ZFHX3: variants seen among roughly 807,000 people sequenced by gnomAD.
The protein encoded by ZFHX3 is zinc finger homeobox 3, also known as zinc finger homeobox protein 3.
ZFHX3 carries 42 observed loss-of-function variants against 279.1 expected under a neutral mutation model. That is an observed-to-expected ratio of 0.15 (90% CI 0.12 to 0.19). The LOEUF (loss-of-function observed/expected upper bound fraction) is 0.19, where lower values mean the gene tolerates loss of function less well. ZFHX3 is among the 10% of genes least tolerant of loss of function. The pLI, the probability that ZFHX3 is intolerant of heterozygous loss-of-function variation, is 1.00. For synonymous variants in ZFHX3, 2,293 were observed against 1,957.8 expected, an observed-to-expected ratio of 1.17 and a Z score of -4.52; for missense variants, 4,981 against 4,754.0, an observed-to-expected ratio of 1.05 and a Z score of -1.40.
chr16:73,837,885 C>G (rs1961186351), intron 1 of ZFHX3, among the ~76,000 whole-genome samples: 2 of 152,220 alleles, frequency 1.3e-5, no homozygotes, highest in African/African-American at 4.8e-5. Context: ...ATCCACCCAC[C>G]TCAGCCTCCC....
chr16:73,131,213 G>T (rs1055210672), intron 6 of ZFHX3: 1 of 320,282 alleles, frequency 3.1e-6, no homozygotes. Flanking sequence ...AGCAGGACCT[G>T]CAAAAGGTCA....
At chr16:73,098,519 A>G (rs2144785484) in intron 7 of ZFHX3, among the ~76,000 whole-genome samples, 1 of 151,890 alleles carries the variant, frequency 6.6e-6, no homozygotes, top group East Asian at 1.9e-4. Flanking sequence ...ATGCCACCAC[A>G]CCCGGATAAT....
At chr16:73,610,454 C>G (rs1314345397) in intron 2 of ZFHX3, among the ~76,000 whole-genome samples, 1 of 152,198 alleles carries the variant, frequency 6.6e-6, no homozygotes, top group Non-Finnish European at 1.5e-5. Context: ...TTTTCCCCCT[C>G]TGCTTCATAC....
intron 3 of ZFHX3, among the ~76,000 whole-genome samples, chr16:73,425,104 G>C (rs2017788513): frequency 6.6e-6 from 1 of 152,130 alleles, no homozygotes; most frequent in African/African-American, 2.4e-5. Flanking sequence ...ACCTAATATA[G>C]TGCTTTCCAA....
intron 4 of ZFHX3, among the ~76,000 whole-genome samples, chr16:72,845,457 G>A (rs2037454712): frequency 2.0e-5 from 3 of 152,100 alleles, no homozygotes; most frequent in Non-Finnish European, 4.4e-5. Context: ...GCACCTGCCC[G>A]CTGGGCTGGC....
At chr16:73,750,964 G>T (rs1379181654) in intron 1 of ZFHX3, among the ~76,000 whole-genome samples, 1 of 152,072 alleles carries the variant, frequency 6.6e-6, no homozygotes, top group African/African-American at 2.4e-5. Flanking sequence ...TCCAAAATGG[G>T]GCCTAGAGGT....
intron 7 of ZFHX3, among the ~76,000 whole-genome samples, chr16:73,105,332 C>G (rs1966282266): frequency 7.2e-6 from 1 of 139,768 alleles, no homozygotes; most frequent in African/African-American, 2.9e-5. Context: ...TACACACACA[C>G]ACACGTGTGT....
In ZFHX3 at chr16:72,785,989, AAAT is replaced by A. The variant is rs1290885174; in HGVS notation, c.*1172_*1174del. On this transcript the variant is annotated 3_prime_UTR_variant, in exon 10 of 10. Transcript: ENST00000268489. The stretch of plus-strand genomic sequence containing the variant: ...TTGAAATTCTTTCTTTAGTTTTATA[AAAT>A]AATTCTGCAGCTCCCTCTAAGAAAT... The A allele has an allele frequency of 6.6e-6, 1 of 152,194 alleles. No individual in the cohort carries two copies. The highest frequency in any genetic ancestry group is 1.5e-5 in the Non-Finnish European group (1 of 68,036). 9.4% of individuals were successfully genotyped at this position (152,194 alleles called of 1,614,324 possible).
rs960703594 is a variant in ZFHX3 at position 73,825,354 on chromosome 16, C to A, written c.-1608+66297G>T. 1.1e-4 allele frequency among the ~76,000 whole-genome samples: 6 copies of A among 54,416 alleles called. 1 individual carries two copies. Among genetic ancestry groups the A allele is most frequent in the Non-Finnish European group, 3.1e-5 (1 of 32,724 alleles). 35.7% of individuals were successfully genotyped at this position (54,416 alleles called of 152,430 possible). ...AAATTTTCTCCCATGCTGTAGGTTG[C>A]CTGTTCACTCTGATGGTAGTTTCTT... On this transcript the variant is annotated intron_variant, in intron 1 of 17. Coordinates refer to the ZFHX3 transcript ENST00000641206.
intron 4 of ZFHX3, among the ~76,000 whole-genome samples, chr16:73,282,116 G>T (rs2014472365): frequency 6.6e-6 from 1 of 152,186 alleles, no homozygotes; most frequent in South Asian, 2.1e-4. Context: ...ATATTTGTTT[G>T]CAAAGTTAAC....
chr16:73,690,309 A>G (rs1384147056), intron 1 of ZFHX3, among the ~76,000 whole-genome samples: 1 of 152,204 alleles, frequency 6.6e-6, no homozygotes, highest in Non-Finnish European at 1.5e-5. Context: ...TACGGGGCCT[A>G]TGCATTCAGG....
intron 1 of ZFHX3, among the ~76,000 whole-genome samples, chr16:73,013,889 C>G (rs192899611): frequency 6.6e-6 from 1 of 152,246 alleles, no homozygotes; most frequent in African/African-American, 2.4e-5. Flanking sequence ...TGAATAACAA[C>G]CCCCGAAGAC....
chr16:73,482,996 AAG>A (rs1243068000), intron 2 of ZFHX3, among the ~76,000 whole-genome samples: 3 of 152,218 alleles, frequency 2.0e-5, no homozygotes, highest in Admixed American at 2.0e-4. Flanking sequence ...ATCGTTGCAA[AAG>A]AGAGAGAGCT....
At chr16:73,074,440 T>C (rs964342642) in intron 8 of ZFHX3, among the ~76,000 whole-genome samples, 3 of 152,218 alleles carry the variant, frequency 2.0e-5, no homozygotes, top group Non-Finnish European at 4.4e-5. Context: ...AGTAGATTTG[T>C]ATTCATGTTA....
At chr16:73,305,142 C>T (rs933514516) in intron 4 of ZFHX3, among the ~76,000 whole-genome samples, 2 of 152,140 alleles carry the variant, frequency 1.3e-5, no homozygotes, top group Non-Finnish European at 2.9e-5. Context: ...GCTCACCTCA[C>T]AGCAGCGGCA....
chr16:73,660,959 G>C (rs2052776882), intron 2 of ZFHX3, among the ~76,000 whole-genome samples: 1 of 152,180 alleles, frequency 6.6e-6, no homozygotes, highest in African/African-American at 2.4e-5. Context: ...CTACTGACCA[G>C]TTAGAGGGTG....
chr16:72,788,743 A>C lies in ZFHX3; in HGVS notation c.9533T>G (p.Leu3178Arg). The change falls in exon 10 of 10, where the codon CTG becomes CGG. Residue 3178 changes from leucine to arginine, a missense_variant. By Grantham distance (102) the Leu-to-Arg change is moderately radical. Transcript: ENST00000268489. ...GGCTTGTGCTGGGGTTGGGGAGCTC[A>C]GCGACGCTGAGGACGGTTTATTTGG... ...GLPNKPSSAS[L>R]SSPTPAQATM... is the part of the protein sequence containing the mutation. 6.3e-7 allele frequency: 1 copy of C among 1,589,738 alleles called. No individual in the cohort carries two copies. The highest frequency in any genetic ancestry group is 8.6e-7 in the Non-Finnish European group (1 of 1,168,824).
At chr16:73,529,344 G>A (rs2019751940) in intron 2 of ZFHX3, among the ~76,000 whole-genome samples, 1 of 152,204 alleles carries the variant, frequency 6.6e-6, no homozygotes, top group African/African-American at 2.4e-5. Flanking sequence ...AGGGTTTGGT[G>A]CCAAGGAACA....
At chr16:73,591,960 G>A (rs1438943874) in intron 2 of ZFHX3, among the ~76,000 whole-genome samples, 1 of 152,074 alleles carries the variant, frequency 6.6e-6, no homozygotes, top group Non-Finnish European at 1.5e-5. Flanking sequence ...GGCCAGGTAT[G>A]GTGGCTCATG....
Sources: gnomAD v4.1 joint callset for allele counts (sites outside exome capture counted in the v4.1 genomes callset) on GRCh38, gnomAD v4.1.1 for gene constraint, MANE v1.5 for transcripts, NCBI Gene and HGNC (gene_info 2026-07-23, HGNC 2026-07-21) for gene names.